Variants in LSAMP observed in about 807,000 individuals in gnomAD.
LSAMP encodes the protein limbic system-associated membrane protein.
A neutral mutation model predicts 38.6 loss-of-function variants in LSAMP; 7 were observed. The ratio of observed to expected loss-of-function variants is 0.18; its 90% confidence interval spans 0.10 to 0.34. The LOEUF is 0.34. LSAMP is among the 10% of genes least tolerant of loss of function. The pLI is 1.00. For missense variants in LSAMP, 313 were observed against 420.0 expected, an observed-to-expected ratio of 0.75 and a Z score of 2.23; for synonymous variants, 154 against 166.8, an observed-to-expected ratio of 0.92 and a Z score of 0.59.
chr3:116,073,098 G>T (rs1339430025), intron 2 of LSAMP, among the ~76,000 whole-genome samples: 2 of 152,136 alleles, frequency 1.3e-5, no homozygotes, highest in African/African-American at 4.8e-5. Flanking sequence ...CTTTAAGGAA[G>T]TGGTCCAATT....
At chr3:116,304,586 C>T (rs550321608) in intron 1 of LSAMP, among the ~76,000 whole-genome samples, 2 of 152,068 alleles carry the variant, frequency 1.3e-5, no homozygotes, top group African/African-American at 4.8e-5. Flanking sequence ...ATGTATTCAT[C>T]CCAAATGAAG....
rs537214417 is a variant in LSAMP at position 116,092,248 on chromosome 3, A to G, written c.156-5692T>C. ...CTATTTTAATATTTCTTAAGAAATA[A>G]TTAAAGTTATTAGGTATAAAGGGAA... On this transcript the variant is annotated intron_variant, in intron 1 of 6. Transcript: ENST00000490035. 4.6e-5 allele frequency among the ~76,000 whole-genome samples: 7 copies of G among 152,306 alleles called. No homozygotes were observed. The East Asian group carries it at 5.8e-4, about 13-fold the overall frequency.
intron 1 of LSAMP, among the ~76,000 whole-genome samples, chr3:116,226,066 G>T (rs1231485676): frequency 6.6e-6 from 1 of 152,036 alleles, no homozygotes; most frequent in Admixed American, 6.6e-5. Context: ...GTTAAAATTA[G>T]TGATGTAACT....
At chr3:115,882,018 T>G (rs1451286031) in intron 3 of LSAMP, among the ~76,000 whole-genome samples, 1 of 152,110 alleles carries the variant, frequency 6.6e-6, no homozygotes, top group East Asian at 1.9e-4. Flanking sequence ...GATAGACTGT[T>G]TCAAGGTTTA....
intron 3 of LSAMP, among the ~76,000 whole-genome samples, chr3:115,936,060 A>G (rs1211701492): frequency 6.6e-6 from 1 of 152,234 alleles, no homozygotes; most frequent in Non-Finnish European, 1.5e-5. Flanking sequence ...AGCCAAGGTC[A>G]TTAACCTCTA....
intron 3 of LSAMP, among the ~76,000 whole-genome samples, chr3:115,887,285 A>G (rs1936479624): frequency 6.6e-6 from 1 of 151,926 alleles, no homozygotes. Flanking sequence ...TTCCCATTAT[A>G]TATATCATTT....
At position 116,030,685 on chromosome 3, in the gene LSAMP, TG is replaced by T. The variant is rs376429364; in HGVS notation, c.389-11046del. Among the ~76,000 whole-genome samples, 41 of 152,224 alleles carry T rather than the reference TG, an allele frequency of 2.7e-4. No individual in the cohort carries two copies. The East Asian group carries it at 7.5e-3, about 28-fold the overall frequency. ...AAGCTCAAAAAATATCAGGCTACCT[TG>T]GGTAGGTGGCAAATAGCAATTGAAT... On this transcript the variant is annotated intron_variant, in intron 2 of 6. Transcript: ENST00000490035.
intron 1 of LSAMP, among the ~76,000 whole-genome samples, chr3:116,431,808 C>T (rs1328273995): frequency 2.0e-5 from 3 of 152,010 alleles, no homozygotes. Context: ...ATCACTAGAT[C>T]TCTTTGTGAC....
At chr3:116,213,170 A>G (rs890372817) in intron 1 of LSAMP, among the ~76,000 whole-genome samples, 5 of 152,198 alleles carry the variant, frequency 3.3e-5, no homozygotes, top group African/African-American at 1.2e-4. Flanking sequence ...ACTGTTTTCC[A>G]TAGCAGCTTT....
At chr3:116,002,247 C>A (rs1454343849) in intron 3 of LSAMP, among the ~76,000 whole-genome samples, 1 of 152,144 alleles carries the variant, frequency 6.6e-6, no homozygotes, top group Non-Finnish European at 1.5e-5. Flanking sequence ...AACACTTATG[C>A]CCTAGAGAGG....
intron 3 of LSAMP, among the ~76,000 whole-genome samples, chr3:115,981,116 G>A (rs527685117): frequency 6.6e-6 from 1 of 152,228 alleles, no homozygotes; most frequent in Non-Finnish European, 1.5e-5. Flanking sequence ...TGAAATGAAT[G>A]TTGTTTCACA....
chr3:115,869,544 A>G (rs939716243), intron 3 of LSAMP, among the ~76,000 whole-genome samples: 1 of 152,054 alleles, frequency 6.6e-6, no homozygotes, highest in Non-Finnish European at 1.5e-5. Flanking sequence ...ATTAATTAGT[A>G]ATAAATTAAA....
At chr3:116,318,135 C>A (rs76991523) in intron 1 of LSAMP, among the ~76,000 whole-genome samples, 1,126 of 101,502 alleles carry the variant, frequency 0.011, no homozygotes, top group African/African-American at 0.013. Context: ...GACTCCATCT[C>A]AAAAAAAAAA....
intron 1 of LSAMP, among the ~76,000 whole-genome samples, chr3:116,168,880 T>G (rs1358141145): frequency 6.6e-6 from 1 of 152,180 alleles, no homozygotes; most frequent in Admixed American, 6.5e-5. Context: ...ACCATTGTCC[T>G]TTTTTAAAAT....
chr3:115,822,970 C>T (rs1406619719), intron 6 of LSAMP, among the ~76,000 whole-genome samples: 1 of 152,116 alleles, frequency 6.6e-6, no homozygotes, highest in African/African-American at 2.4e-5. Context: ...GGTGTTAATT[C>T]CTTGTTGAAT....
chr3:116,157,338 TGAA>T (rs780795294), intron 1 of LSAMP, among the ~76,000 whole-genome samples: 1 of 152,256 alleles, frequency 6.6e-6, no homozygotes, highest in South Asian at 2.1e-4. Flanking sequence ...TTTCTGAAGT[TGAA>T]GAAGATTTCA....
At chr3:115,945,302 C>G (rs1287401864) in intron 3 of LSAMP, among the ~76,000 whole-genome samples, 1 of 152,068 alleles carries the variant, frequency 6.6e-6, no homozygotes. Context: ...CAATGTAATT[C>G]ACTGAAAGCA....
chr3:115,825,672 C>T (rs1283085757), intron 6 of LSAMP, among the ~76,000 whole-genome samples: 2 of 152,066 alleles, frequency 1.3e-5, no homozygotes, highest in Admixed American at 6.5e-5. Flanking sequence ...GTGAAAATGC[C>T]CAATCTCTAA....
At chr3:116,143,009 T>C (rs1709407339) in intron 1 of LSAMP, among the ~76,000 whole-genome samples, 1 of 148,948 alleles carries the variant, frequency 6.7e-6, no homozygotes, top group Admixed American at 6.7e-5. Flanking sequence ...ATATAACTTA[T>C]TATATATAAA....
Sources: gnomAD v4.1 joint callset for allele counts (sites outside exome capture counted in the v4.1 genomes callset) on GRCh38, gnomAD v4.1.1 for gene constraint, MANE v1.5 for transcripts, NCBI Gene and HGNC (gene_info 2026-07-23, HGNC 2026-07-21) for gene names.